Variants in TCAIM observed in about 807,000 individuals in gnomAD.
The protein encoded by TCAIM is T-cell activation inhibitor, mitochondrial.
A neutral mutation model predicts 58.6 loss-of-function variants in TCAIM; 36 were observed. The ratio of observed to expected loss-of-function variants is 0.61; its 90% CI spans 0.47 to 0.81. The LOEUF (loss-of-function observed/expected upper bound fraction) is 0.81. TCAIM is among the 30% of genes least tolerant of loss of function. The pLI, the probability that TCAIM is intolerant of heterozygous loss-of-function variation, is 0.00. For synonymous variants in TCAIM, 172 were observed against 193.6 expected (o/e 0.89, Z 0.93); for missense variants, 466 against 579.6 (o/e 0.80, Z 2.01).
intron 1 of TCAIM, among the ~76,000 whole-genome samples, chr3:44,349,783 G>A (rs1701048613): frequency 6.6e-6 from 1 of 152,204 alleles, no homozygotes; most frequent in Admixed American, 6.5e-5. Context: ...GAAATTAAGG[G>A]AAGGGAGAGA....
At chr3:44,402,758 T>C (rs566785987) in intron 10 of TCAIM, among the ~76,000 whole-genome samples, 32 of 152,048 alleles carry the variant, frequency 2.1e-4, no homozygotes, top group African/African-American at 5.3e-4. Context: ...CCTGGTAGCA[T>C]AGGGGACAAG....
chr3:44,395,205 A>G (rs1701915364), intron 6 of TCAIM, among the ~76,000 whole-genome samples: 1 of 151,924 alleles, frequency 6.6e-6, no homozygotes, highest in Non-Finnish European at 1.5e-5. Context: ...ATTTCAAGTA[A>G]TCAAAAATTA....
intron 1 of TCAIM, chr3:44,340,453 T>G (rs1700833786): frequency 1.3e-5 from 2 of 152,356 alleles, no homozygotes; most frequent in Admixed American, 6.5e-5. Context: ...TGCTGGACAT[T>G]GTCTCTACTT....
At chr3:44,370,908 A>ATTTTTT (rs56982688) in intron 5 of TCAIM, among the ~76,000 whole-genome samples, 1 of 123,274 alleles carries the variant, frequency 8.1e-6, no homozygotes, top group Non-Finnish European at 1.7e-5. Flanking sequence ...TACCTGGCTA[A>ATTTTTT]TTTTTTTTTT....
intron 10 of TCAIM, among the ~76,000 whole-genome samples, chr3:44,401,691 ACTT>A (rs1165140677): frequency 6.6e-6 from 1 of 152,242 alleles, no homozygotes; most frequent in Non-Finnish European, 1.5e-5. Flanking sequence ...TATAAAAAGA[ACTT>A]TATCTGTATC....
At chr3:44,393,045 C>T (rs1701864057) in intron 6 of TCAIM, 68 bp downstream of exon 6, 1 of 1,408,032 alleles carries the variant, frequency 7.1e-7, no homozygotes, top group Admixed American at 2.0e-5. Context: ...ATAAGCTTTT[C>T]AGCAGCTAAA....
intron 5 of TCAIM, among the ~76,000 whole-genome samples, chr3:44,380,531 T>C (rs556869407): frequency 6.6e-6 from 1 of 152,066 alleles, no homozygotes; most frequent in East Asian, 1.9e-4. Context: ...TATAAACACA[T>C]TTAAAAACCA....
intron 2 of TCAIM, among the ~76,000 whole-genome samples, chr3:44,357,357 GAGAGAA>G (rs2125632528): frequency 7.5e-6 from 1 of 132,894 alleles, no homozygotes; most frequent in African/African-American, 2.8e-5. Context: ...AAGAAAAAAA[GAGAGAA>G]AGAGATAGAT....
chr3:44,342,329 A>T (rs1333371286), intron 1 of TCAIM, among the ~76,000 whole-genome samples: 1 of 152,150 alleles, frequency 6.6e-6, no homozygotes, highest in East Asian at 1.9e-4. Context: ...GCATTCCTGG[A>T]AATCCTGACA....
At chr3:44,352,255 G>A (rs1476064975) in intron 1 of TCAIM, among the ~76,000 whole-genome samples, 2 of 152,006 alleles carry the variant, frequency 1.3e-5, no homozygotes, top group Admixed American at 6.6e-5. Flanking sequence ...ACATGGGGGA[G>A]AAAAGAATTT....
At chr3:44,386,862 G>C (rs1701751652) in intron 5 of TCAIM, among the ~76,000 whole-genome samples, 1 of 152,248 alleles carries the variant, frequency 6.6e-6, no homozygotes, top group South Asian at 2.1e-4. Flanking sequence ...GAGGTAGATA[G>C]GTTCCTGGGC....
intron 10 of TCAIM, among the ~76,000 whole-genome samples, chr3:44,402,752 G>A (rs1362667484): frequency 6.6e-6 from 1 of 152,066 alleles, no homozygotes; most frequent in East Asian, 1.9e-4. Context: ...TGACACCCTG[G>A]TAGCATAGGG....
At chr3:44,380,790 C>T (rs1022111369) in intron 5 of TCAIM, among the ~76,000 whole-genome samples, 2 of 151,894 alleles carry the variant, frequency 1.3e-5, no homozygotes, top group Non-Finnish European at 2.9e-5. Flanking sequence ...AAAGGAGACT[C>T]AAATTACTAA....
In TCAIM at chr3:44,381,031, G is replaced by T. The variant is rs557881110; in HGVS notation, c.573-11824G>T. ...AGCCCTGAACTGGATGGCTTCACTG[G>T]CAAATTCTACCAAACATTTAACAGC... On this transcript the variant is annotated intron_variant, in intron 5 of 10. Coordinates refer to ENST00000342649, the MANE Select transcript of TCAIM (RefSeq NM_173826.4). Among the ~76,000 whole-genome samples, 79 of 152,166 alleles carry T rather than the reference G, an allele frequency of 5.2e-4. 1 individual carries two copies. In the South Asian group the frequency reaches 0.014, roughly 27 times the overall value.
intron 1 of TCAIM, among the ~76,000 whole-genome samples, chr3:44,351,630 G>A (rs1701091186): frequency 6.6e-6 from 1 of 151,854 alleles, no homozygotes. Context: ...AAGTAGCTGG[G>A]ATTACAGGGT....
chr3:44,373,492 TA>T (rs57534272), intron 5 of TCAIM, among the ~76,000 whole-genome samples: 95,504 of 147,322 alleles, frequency 0.65, 31,469 homozygotes, highest in East Asian at 0.97. Flanking sequence ...CCATCTCTAT[TA>T]AAAAAAAAAA....
chr3:44,370,064 A>G (rs1238448023), intron 5 of TCAIM, among the ~76,000 whole-genome samples: 4 of 132,172 alleles, frequency 3.0e-5, no homozygotes, highest in African/African-American at 1.0e-4. Flanking sequence ...CTATGCATAG[A>G]TAAGTTATGT....
intron 10 of TCAIM, 26 bp downstream of exon 10, chr3:44,401,360 G>A (rs757576089): frequency 3.1e-6 from 5 of 1,612,346 alleles, no homozygotes; most frequent in Non-Finnish European, 3.4e-6. Flanking sequence ...CTTCTGTAAA[G>A]TCAGATCATT....
chr3:44,360,234 T>C (rs1701273927), intron 3 of TCAIM, among the ~76,000 whole-genome samples: 1 of 152,122 alleles, frequency 6.6e-6, no homozygotes, highest in Non-Finnish European at 1.5e-5. Context: ...TTGTTGTTTA[T>C]TTTTCTCCCC....
Sources: gnomAD v4.1 joint callset for allele counts (sites outside exome capture counted in the v4.1 genomes callset) on GRCh38, gnomAD v4.1.1 for gene constraint, MANE v1.5 for transcripts, NCBI Gene and HGNC (gene_info 2026-07-23, HGNC 2026-07-21) for gene names.